RASGRF2: variants seen among roughly 807,000 people sequenced by gnomAD.
RASGRF2 encodes the protein ras-specific guanine nucleotide-releasing factor 2.
In RASGRF2, 76 loss-of-function variants were observed where a neutral mutation model predicts 151.0. The observed-to-expected ratio is 0.50, with a 90% CI of 0.42 to 0.61. The LOEUF (loss-of-function observed/expected upper bound fraction) is 0.61, where lower values mean the gene tolerates loss of function less well. Among genes scored for constraint, RASGRF2 ranks in the 20% least tolerant of loss-of-function variants. RASGRF2 has a pLI of 0.00. For synonymous variants in RASGRF2, 504 were observed against 566.5 expected, an observed-to-expected ratio of 0.89 and a Z score of 1.57; for missense variants, 1,148 against 1,564.6, an observed-to-expected ratio of 0.73 and a Z score of 4.49.
chr5:81,099,959 G>A (rs766428062), intron 12 of RASGRF2, among the ~76,000 whole-genome samples: 38 of 146,058 alleles, frequency 2.6e-4, no homozygotes, highest in Non-Finnish European at 5.1e-4. Flanking sequence ...CCAGGCTGGA[G>A]TGCAGTGGCA....
Position 81,205,242 on chromosome 5 carries a change from G to T in RASGRF2, c.2907-1603G>T, listed in dbSNP as rs1425685903. Among the ~76,000 whole-genome samples the T allele has an allele frequency of 2.6e-5, 4 of 152,196 alleles. No homozygotes were observed. In the South Asian group the frequency reaches 8.3e-4, roughly 32 times the overall value. ...GCTCCTGCTCCCCCTTCAGACAGCC[G>T]AGGGAAGGGAGTTGTGTTTATTGAC... is the stretch of plus-strand genomic sequence containing the variant. On this transcript the variant is annotated intron_variant, in intron 19 of 26. Coordinates refer to ENST00000265080, the MANE Select transcript of RASGRF2 (RefSeq NM_006909.3).
At chr5:81,006,488 G>A (rs1749273399) in intron 1 of RASGRF2, among the ~76,000 whole-genome samples, 1 of 152,204 alleles carries the variant, frequency 6.6e-6, no homozygotes. Flanking sequence ...TTCATATGTA[G>A]TAGGCAGAGA....
At chr5:81,009,566 A>G (rs1749388096) in intron 1 of RASGRF2, among the ~76,000 whole-genome samples, 1 of 152,260 alleles carries the variant, frequency 6.6e-6, no homozygotes, top group Non-Finnish European at 1.5e-5. Flanking sequence ...CATGTCTTTC[A>G]TCTGTTCTTG....
intron 1 of RASGRF2, among the ~76,000 whole-genome samples, chr5:81,002,136 T>C (rs1198715675): frequency 6.6e-6 from 1 of 152,224 alleles, no homozygotes; most frequent in East Asian, 1.9e-4. Context: ...CAACCAACTT[T>C]TTTTCCTCCT....
At chr5:81,105,547 A>C (rs985710763) in intron 12 of RASGRF2, among the ~76,000 whole-genome samples, 1 of 152,194 alleles carries the variant, frequency 6.6e-6, no homozygotes, top group African/African-American at 2.4e-5. Flanking sequence ...CTGTTGTCTC[A>C]GTAACTATGC....
At chr5:81,104,583 A>C (rs1561207117) in intron 12 of RASGRF2, among the ~76,000 whole-genome samples, 2 of 152,148 alleles carry the variant, frequency 1.3e-5, no homozygotes, top group African/African-American at 2.4e-5. Flanking sequence ...TGTTCCATCC[A>C]AAGTAGTACT....
At chr5:81,217,988 C>T (rs1375691552) in intron 25 of RASGRF2, among the ~76,000 whole-genome samples, 4 of 152,070 alleles carry the variant, frequency 2.6e-5, no homozygotes, top group East Asian at 3.9e-4. Flanking sequence ...GTGATCTGCC[C>T]GCCTGGGACT....
At chr5:81,181,073 G>T (rs1165091642) in intron 18 of RASGRF2, among the ~76,000 whole-genome samples, 1 of 152,164 alleles carries the variant, frequency 6.6e-6, no homozygotes, top group African/African-American at 2.4e-5. Flanking sequence ...AGCAGAACAT[G>T]TGCAGCATAT....
intron 17 of RASGRF2, 138 bp downstream of exon 17, chr5:81,127,301 A>G (rs1250441166): frequency 2.4e-6 from 2 of 843,584 alleles, no homozygotes; most frequent in Admixed American, 5.2e-5. Flanking sequence ...AAGCAGAAGG[A>G]TTGCTTGAGA....
intron 1 of RASGRF2, among the ~76,000 whole-genome samples, chr5:80,995,804 C>T (rs955310460): frequency 6.6e-6 from 1 of 150,948 alleles, no homozygotes. Flanking sequence ...GCGATTCTCC[C>T]ACCTCAGCTT....
chr5:81,055,487 C>T lies in RASGRF2; in HGVS notation c.395+12504C>T, dbSNP rs563075945. 3.9e-3 allele frequency among the ~76,000 whole-genome samples: 589 copies of T among 152,264 alleles called. 5 individuals carry two copies. The highest frequency in any genetic ancestry group is 0.014 in the African/African-American group (572 of 41,532). On this transcript the variant is annotated intron_variant, in intron 2 of 26. Transcript: ENST00000265080. ...ATCCCAGGGATGAAGCCCACTTGAT[C>T]ATGGTGGATAAGCTTTTTGATGTGC...
At chr5:81,061,049 T>G (rs966317843) in intron 2 of RASGRF2, among the ~76,000 whole-genome samples, 46 of 150,866 alleles carry the variant, frequency 3.0e-4, no homozygotes, top group African/African-American at 1.0e-3. Context: ...CAATTTCTTG[T>G]TTTTTTTTCT....
chr5:81,146,507 A>T (rs562735682), intron 17 of RASGRF2, among the ~76,000 whole-genome samples: 15 of 152,246 alleles, frequency 9.9e-5, no homozygotes, highest in African/African-American at 3.6e-4. Context: ...AGAAACTAGT[A>T]AATTCCTCAT....
chr5:81,077,371 GCATATTGGAATCCC>G (rs775529429), intron 5 of RASGRF2, among the ~76,000 whole-genome samples: 22 of 152,310 alleles, frequency 1.4e-4, no homozygotes, highest in Non-Finnish European at 2.8e-4. Context: ...TTGTTTGTGT[GCATATTGGAATCCC>G]CAAGAATTAT....
chr5:81,066,530 GT>G (rs1462538637), intron 2 of RASGRF2, among the ~76,000 whole-genome samples: 1 of 152,110 alleles, frequency 6.6e-6, no homozygotes, highest in East Asian at 1.9e-4. Context: ...GTGTTCCAGC[GT>G]CATGAGGGCC....
At chr5:81,064,257 C>T (rs530907582) in intron 2 of RASGRF2, among the ~76,000 whole-genome samples, 8 of 152,348 alleles carry the variant, frequency 5.3e-5, no homozygotes, top group South Asian at 4.1e-4. Flanking sequence ...AGGCCTCCTA[C>T]AGTGTCTACT....
intron 5 of RASGRF2, among the ~76,000 whole-genome samples, chr5:81,075,254 C>T (rs138361838): frequency 1.5e-3 from 227 of 152,224 alleles, no homozygotes; most frequent in African/African-American, 5.2e-3. Flanking sequence ...GCCAGTGTCA[C>T]GGAATTTACC....
intron 1 of RASGRF2, among the ~76,000 whole-genome samples, chr5:81,006,435 G>A (rs1749272209): frequency 6.6e-6 from 1 of 152,196 alleles, no homozygotes; most frequent in Non-Finnish European, 1.5e-5. Context: ...GTGCAAAGGT[G>A]TTTCTGAAAG....
rs202044266 is a variant in RASGRF2 at position 81,195,573 on chromosome 5, CCT to C, written c.2794-5756_2794-5755del. Among the ~76,000 whole-genome samples the C allele has an allele frequency of 3.0e-3, 357 of 120,680 alleles. 4 individuals carry two copies. In the East Asian group the frequency reaches 0.037, roughly 12 times the overall value. The allele number at this position is 120,680 out of a possible 152,430, so 79.2% of individuals were successfully genotyped here. ...ACTTCTTGAGATTTTTTTTTTGTGA[CCT>C]TTTTTTTTTTTTTGATAGATAAACA... On this transcript the variant is annotated intron_variant, in intron 18 of 26. Transcript: ENST00000265080.
Sources: gnomAD v4.1 joint callset for allele counts (sites outside exome capture counted in the v4.1 genomes callset) on GRCh38, gnomAD v4.1.1 for gene constraint, MANE v1.5 for transcripts, NCBI Gene and HGNC (gene_info 2026-07-23, HGNC 2026-07-21) for gene names.